PRKCA: variants seen among roughly 807,000 people sequenced by gnomAD.
PRKCA encodes protein kinase C alpha, also known as protein kinase C alpha type.
Under a neutral mutation model 87.0 loss-of-function variants are expected in PRKCA, and 27 were observed. That is an observed-to-expected ratio of 0.31 (90% confidence interval 0.23 to 0.43). The LOEUF is 0.43. Ranked by LOEUF, PRKCA falls within the 20% of genes least tolerant of loss-of-function variation. The pLI is 1.00. For synonymous variants in PRKCA, 329 were observed against 311.1 expected (o/e 1.06, Z -0.61); for missense variants, 518 against 852.3 (o/e 0.61, Z 4.88).
chr17:66,768,948 A>T (rs1004344918), intron 13 of PRKCA, among the ~76,000 whole-genome samples: 21 of 152,304 alleles, frequency 1.4e-4, no homozygotes, highest in Middle Eastern at 3.4e-3. Context: ...TAAGTGTACT[A>T]AGCATGTGCT....
At chr17:66,634,767 T>C (rs1446321097) in intron 3 of PRKCA, among the ~76,000 whole-genome samples, 1 of 152,212 alleles carries the variant, frequency 6.6e-6, no homozygotes, top group Non-Finnish European at 1.5e-5. Flanking sequence ...TCTTTTTACC[T>C]TGGTTTCCAG....
At chr17:66,606,781 T>C (rs1002056283) in intron 3 of PRKCA, among the ~76,000 whole-genome samples, 2 of 152,188 alleles carry the variant, frequency 1.3e-5, no homozygotes, top group Non-Finnish European at 2.9e-5. Context: ...GTGGCTATTC[T>C]ATTTTTAGAA....
At chr17:66,317,984 T>C (rs1369227911) in intron 2 of PRKCA, among the ~76,000 whole-genome samples, 1 of 152,244 alleles carries the variant, frequency 6.6e-6, no homozygotes, top group Non-Finnish European at 1.5e-5. Context: ...TGAAGATGTT[T>C]TTCTTAATGC....
intron 2 of PRKCA, among the ~76,000 whole-genome samples, chr17:66,322,587 C>G (rs1268670782): frequency 6.6e-6 from 1 of 151,756 alleles, no homozygotes; most frequent in Non-Finnish European, 1.5e-5. Flanking sequence ...CTTAGCCACC[C>G]AAGTAGCTAG....
intron 3 of PRKCA, among the ~76,000 whole-genome samples, chr17:66,606,257 A>G (rs902865015): frequency 3.3e-5 from 5 of 152,028 alleles, no homozygotes; most frequent in Admixed American, 3.3e-4. Context: ...GTGTGGTGGC[A>G]CGTGCCTGTA....
chr17:66,738,915 T>TC (rs1974097230), intron 11 of PRKCA, 60 bp downstream of exon 11: 3 of 1,119,838 alleles, frequency 2.7e-6, no homozygotes, highest in Non-Finnish European at 3.7e-6. Flanking sequence ...ACTGGAAACT[T>TC]CCTTTTTTCC....
chr17:66,517,752 C>T lies in PRKCA; in HGVS notation c.288+21469C>T, dbSNP rs757450775. On this transcript the variant is annotated intron_variant, in intron 3 of 16. Transcript: ENST00000413366. Reference sequence around the variant, plus strand: ...AAAAGAATTAACACCAAGTTCTTGGCGCAAGTGCCATCCAGTTGAGGTGTG... The same window carrying T: ...AAAAGAATTAACACCAAGTTCTTGGTGCAAGTGCCATCCAGTTGAGGTGTG... Among the ~76,000 whole-genome samples the T allele has an allele frequency of 9.2e-5, 14 of 152,250 alleles. No homozygotes were observed. In the East Asian group the frequency reaches 1.2e-3, roughly 13 times the overall value.
chr17:66,395,187 A>T (rs1396277492), intron 2 of PRKCA, among the ~76,000 whole-genome samples: 1 of 152,116 alleles, frequency 6.6e-6, no homozygotes, highest in East Asian at 1.9e-4. Flanking sequence ...CCACAAACCA[A>T]CAGGACCGTT....
intron 2 of PRKCA, among the ~76,000 whole-genome samples, chr17:66,362,720 T>C (rs1281571760): frequency 6.6e-6 from 1 of 150,746 alleles, no homozygotes; most frequent in Non-Finnish European, 1.5e-5. Flanking sequence ...TGAGACAGAG[T>C]CTCAGTCTAT....
At chr17:66,477,560 C>T (rs758652214) in intron 2 of PRKCA, among the ~76,000 whole-genome samples, 18 of 152,188 alleles carry the variant, frequency 1.2e-4, no homozygotes, top group Non-Finnish European at 2.1e-4. Flanking sequence ...ATTAGCCGAG[C>T]GTGGTGGCGG....
chr17:66,689,181 TA>T lies in PRKCA; in HGVS notation c.918+139del, dbSNP rs1441787060. On this transcript the variant is annotated intron_variant, in intron 8 of 16. Transcript: ENST00000413366. This position sits in a 1 kb window ranked among gnomAD's most constrained non-coding sequence, Gnocchi z 4.1. ...AATGTTAATGATCTTTTTCTTTATT[TA>T]AAAACATGAATGTTGTTCGTTCCCT... 1.7e-6 allele frequency: 1 copy of T among 582,556 alleles called. No homozygotes were observed. The highest frequency in any genetic ancestry group is 3.0e-6 in the Non-Finnish European group (1 of 333,184). The allele number at this position is 582,556 out of a possible 1,614,324, so 36.1% of individuals were successfully genotyped here.
intron 3 of PRKCA, among the ~76,000 whole-genome samples, chr17:66,602,622 T>C (rs1970082739): frequency 6.6e-6 from 1 of 152,242 alleles, no homozygotes; most frequent in Non-Finnish European, 1.5e-5. Context: ...AAACAATTTC[T>C]TCTTTTAAAA....
At chr17:66,623,127 C>A (rs923648927) in intron 3 of PRKCA, among the ~76,000 whole-genome samples, 4 of 152,232 alleles carry the variant, frequency 2.6e-5, no homozygotes, top group African/African-American at 9.6e-5. Flanking sequence ...TTGAATTGCT[C>A]CTTCTTTGTA....
At position 66,547,646 on chromosome 17, in the gene PRKCA, C is replaced by T. The variant is rs1184418515; in HGVS notation, c.288+51363C>T. Among the ~76,000 whole-genome samples the T allele has an allele frequency of 4.6e-5, 7 of 152,052 alleles. No individual in the cohort carries two copies. The East Asian group carries it at 5.8e-4, about 13-fold the overall frequency. On this transcript the variant is annotated intron_variant, in intron 3 of 16. Transcript: ENST00000413366. Reference sequence around the variant, plus strand: ...CTTGACTATTCATTGTTAACTTCATCGAAAGTTACTTGAGAATCAAGAGTC... The same window carrying T: ...CTTGACTATTCATTGTTAACTTCATTGAAAGTTACTTGAGAATCAAGAGTC...
In PRKCA at chr17:66,445,794, C is replaced by CT. The variant is rs367868430; in HGVS notation, c.206-50394dup. ...TCTGTCTACATTAGGGTTGGGTTCA[C>CT]TTTTTTTTTTTTTCTTCTTTTTTTT... On this transcript the variant is annotated intron_variant, in intron 2 of 16. Transcript: ENST00000413366. Among the ~76,000 whole-genome samples, 613 of 145,598 alleles carry CT rather than the reference C, an allele frequency of 4.2e-3. 3 individuals carry two copies. Among genetic ancestry groups the CT allele is most frequent in the African/African-American group, 9.9e-3 (396 of 39,994 alleles).
intron 13 of PRKCA, among the ~76,000 whole-genome samples, chr17:66,759,355 CAAAAA>C (rs138459587): frequency 4.6e-5 from 5 of 108,614 alleles, no homozygotes; most frequent in African/African-American, 1.4e-4. Context: ...GACTCCGTCT[CAAAAA>C]AAAAAAAAGA....
chr17:66,730,027 G>A (rs1012767509), intron 8 of PRKCA, among the ~76,000 whole-genome samples: 2 of 152,116 alleles, frequency 1.3e-5, no homozygotes, highest in African/African-American at 4.8e-5. Flanking sequence ...TCCTGACCTG[G>A]TGATCCACCC....
At chr17:66,442,468 T>C (rs1440986586) in intron 2 of PRKCA, among the ~76,000 whole-genome samples, 1 of 152,100 alleles carries the variant, frequency 6.6e-6, no homozygotes, top group Non-Finnish European at 1.5e-5. Context: ...ATCTTTAGCA[T>C]TCCCAGCTCC....
chr17:66,362,058 G>A (rs554354127), intron 2 of PRKCA, among the ~76,000 whole-genome samples: 76 of 151,616 alleles, frequency 5.0e-4, no homozygotes, highest in African/African-American at 1.7e-3. Context: ...TTTTTGATAC[G>A]GAGTTTCGCT....
Sources: allele counts gnomAD v4.1 joint callset (sites outside exome capture counted in the v4.1 genomes callset), GRCh38; gene constraint gnomAD v4.1.1; non-coding constraint Gnocchi (gnomAD v3.1); transcripts MANE v1.5; gene names NCBI Gene and HGNC (gene_info 2026-07-23, HGNC 2026-07-21).